CWC27: variants seen among roughly 807,000 people sequenced by gnomAD.
CWC27 encodes the protein CWC27 spliceosome associated cyclophilin.
Under a neutral mutation model 63.6 loss-of-function variants are expected in CWC27, and 47 were observed. That is an observed-to-expected ratio of 0.74 (90% CI 0.58 to 0.94). The LOEUF is 0.94. CWC27 is among the 40% of genes least tolerant of loss of function. The pLI, the probability that CWC27 is intolerant of heterozygous loss-of-function variation, is 0.00. For missense variants in CWC27, 495 were observed against 554.3 expected, an observed-to-expected ratio of 0.89 and a Z score of 1.07; for synonymous variants, 175 against 179.8, an observed-to-expected ratio of 0.97 and a Z score of 0.22.
intron 10 of CWC27, among the ~76,000 whole-genome samples, chr5:64,865,987 A>AATTCT (rs1296457542): frequency 2.0e-5 from 3 of 152,258 alleles, no homozygotes; most frequent in Admixed American, 2.0e-4. Context: ...ACTCAGAATA[A>AATTCT]GTCATTTTAA....
At chr5:64,801,376 G>A in intron 9 of CWC27, 44 bp downstream of exon 9, 3 of 1,249,048 alleles carry the variant, frequency 2.4e-6, no homozygotes, top group Middle Eastern at 2.4e-4. Flanking sequence ...ACAATTCATA[G>A]AAAGTACAAA....
chr5:64,830,337 C>T (rs1745485077), intron 10 of CWC27, among the ~76,000 whole-genome samples: 1 of 152,062 alleles, frequency 6.6e-6, no homozygotes, highest in Non-Finnish European at 1.5e-5. Context: ...AAAGGATTCC[C>T]TATTTAATAA....
At chr5:64,823,806 T>G (rs2112250919) in intron 10 of CWC27, among the ~76,000 whole-genome samples, 1 of 152,322 alleles carries the variant, frequency 6.6e-6, no homozygotes, top group African/African-American at 2.4e-5. Context: ...CTGGAGTAAG[T>G]AGGATATAAG....
At chr5:64,937,671 C>G (rs1408491473) in intron 11 of CWC27, among the ~76,000 whole-genome samples, 1 of 152,130 alleles carries the variant, frequency 6.6e-6, no homozygotes, top group Non-Finnish European at 1.5e-5. Context: ...TCTTGTTGAT[C>G]TGTCTAATAT....
At chr5:65,004,401 T>TGG (rs148329709) in intron 13 of CWC27, among the ~76,000 whole-genome samples, 19 of 112,406 alleles carry the variant, frequency 1.7e-4, no homozygotes, top group Non-Finnish European at 2.3e-4. Context: ...TTTTTTTTGG[T>TGG]GGGGGGGTGG....
At chr5:64,875,637 G>A (rs1175518923) in intron 10 of CWC27, among the ~76,000 whole-genome samples, 6 of 152,102 alleles carry the variant, frequency 3.9e-5, no homozygotes, top group African/African-American at 1.4e-4. Flanking sequence ...GTAATTTTTA[G>A]TTTTTTTAAA....
intron 13 of CWC27, among the ~76,000 whole-genome samples, chr5:65,005,096 T>TAGGC (rs1749818611): frequency 6.6e-6 from 1 of 151,618 alleles, no homozygotes; most frequent in African/African-American, 2.4e-5. Flanking sequence ...TCTTTGGGTA[T>TAGGC]AGGCACACCA....
chr5:64,839,171 G>T (rs565063995), intron 10 of CWC27, among the ~76,000 whole-genome samples: 2 of 152,242 alleles, frequency 1.3e-5, no homozygotes, highest in South Asian at 4.1e-4. Flanking sequence ...ATTCATTGAG[G>T]GCTTTAAATG....
At chr5:64,884,505 T>C (rs1400567444) in intron 10 of CWC27, among the ~76,000 whole-genome samples, 1 of 152,222 alleles carries the variant, frequency 6.6e-6, no homozygotes, top group East Asian at 1.9e-4. Context: ...CAATCACATA[T>C]GTAATTATCT....
At chr5:65,004,861 C>CATGT (rs1749800146) in intron 13 of CWC27, among the ~76,000 whole-genome samples, 2 of 45,472 alleles carry the variant, frequency 4.4e-5, no homozygotes, top group Non-Finnish European at 7.8e-5. Context: ...AAGACTTTTT[C>CATGT]ATATATATAT....
chr5:64,853,767 GACCCAAACACCTCCC>G (rs1472767464), intron 10 of CWC27, among the ~76,000 whole-genome samples: 1 of 152,134 alleles, frequency 6.6e-6, no homozygotes, highest in Non-Finnish European at 1.5e-5. Flanking sequence ...CTGCCCCCAT[GACCCAAACACCTCCC>G]ACCAGGGCCA....
chr5:64,822,765 C>A (rs1054489758), intron 10 of CWC27, among the ~76,000 whole-genome samples: 1 of 151,842 alleles, frequency 6.6e-6, no homozygotes, highest in Non-Finnish European at 1.5e-5. Context: ...GGATTCAAGG[C>A]TGGATTAATA....
intron 10 of CWC27, among the ~76,000 whole-genome samples, chr5:64,821,212 GT>G (rs1745188332): frequency 6.6e-6 from 1 of 151,082 alleles, no homozygotes. Context: ...AGCCTCCCAA[GT>G]AGCTGGGATT....
At chr5:64,817,515 C>T (rs1445447679) in intron 10 of CWC27, among the ~76,000 whole-genome samples, 1 of 152,014 alleles carries the variant, frequency 6.6e-6, no homozygotes, top group African/African-American at 2.4e-5. Context: ...AACTAACAAC[C>T]ACTGTAGTGT....
chr5:64,907,052 C>T (rs1380340718), intron 11 of CWC27, among the ~76,000 whole-genome samples: 1 of 152,110 alleles, frequency 6.6e-6, no homozygotes, highest in African/African-American at 2.4e-5. Context: ...CAGTACCATG[C>T]TGTTTTGGTT....
chr5:64,819,191 C>T (rs1405272996), intron 10 of CWC27, among the ~76,000 whole-genome samples: 4 of 152,030 alleles, frequency 2.6e-5, no homozygotes, highest in African/African-American at 9.7e-5. Flanking sequence ...CTTTTGTTAG[C>T]CAAACTAGCT....
chr5:64,824,164 T>C (rs1405694720), intron 10 of CWC27, among the ~76,000 whole-genome samples: 1 of 152,222 alleles, frequency 6.6e-6, no homozygotes, highest in African/African-American at 2.4e-5. Flanking sequence ...GAAAACATCT[T>C]GCTTTATTTT....
At chr5:64,920,457 G>C (rs1202985264) in intron 11 of CWC27, among the ~76,000 whole-genome samples, 1 of 152,116 alleles carries the variant, frequency 6.6e-6, no homozygotes, top group Non-Finnish European at 1.5e-5. Flanking sequence ...TCTCTGCTAG[G>C]CTTTGGTATC....
intron 7 of CWC27, among the ~76,000 whole-genome samples, chr5:64,790,231 T>A (rs1744027771): frequency 6.6e-6 from 1 of 152,180 alleles, no homozygotes; most frequent in South Asian, 2.1e-4. Context: ...CTCTTATCCC[T>A]TGTTCAGAGT....
Sources: gnomAD v4.1 joint callset for allele counts (sites outside exome capture counted in the v4.1 genomes callset) on GRCh38, gnomAD v4.1.1 for gene constraint, MANE v1.5 for transcripts, NCBI Gene and HGNC (gene_info 2026-07-23, HGNC 2026-07-21) for gene names.